Variants in DARS1 observed in about 807,000 individuals in gnomAD.
DARS1 encodes aspartate--tRNA ligase, cytoplasmic.
DARS1 carries 51 observed loss-of-function variants against 68.8 expected under a neutral mutation model. The ratio of observed to expected loss-of-function variants is 0.74; its 90% CI spans 0.59 to 0.94. DARS1 has a LOEUF of 0.94. Among genes scored for constraint, DARS1 ranks in the 40% least tolerant of loss-of-function variants. DARS1 has a pLI of 0.00. For synonymous variants in DARS1, 203 were observed against 190.4 expected, an observed-to-expected ratio of 1.07 and a Z score of -0.55; for missense variants, 607 against 597.3, an observed-to-expected ratio of 1.02 and a Z score of -0.17.
At chr2:135,914,375 C>T in intron 12 of DARS1, 94 bp downstream of exon 12, 1 of 741,148 alleles carries the variant, frequency 1.3e-6, no homozygotes, top group Non-Finnish European at 2.4e-6. Context: ...AGAATCATAC[C>T]ATTCTAGGAA....
chr2:135,965,824 C>T (rs1682219899), intron 3 of DARS1, among the ~76,000 whole-genome samples: 1 of 152,194 alleles, frequency 6.6e-6, no homozygotes, highest in Non-Finnish European at 1.5e-5. Context: ...ATACAAGAAC[C>T]TTGATGGTCC....
At chr2:135,971,375 C>G (rs1682365835) in intron 3 of DARS1, among the ~76,000 whole-genome samples, 1 of 152,028 alleles carries the variant, frequency 6.6e-6, no homozygotes, top group Non-Finnish European at 1.5e-5. Flanking sequence ...AAAAAAGCAG[C>G]TGATAAAGTT....
In DARS1 at chr2:135,941,242, G is replaced by A. The variant is rs531172176; in HGVS notation, c.423+2136C>T. On this transcript the variant is annotated intron_variant, in intron 5 of 15. Transcript: ENST00000264161. Reference sequence around the variant, plus strand: ...AAAAGAACAAAACTGGAGGCACCACGCTACCTGACTTCAAACTATACTACA... The same window carrying A: ...AAAAGAACAAAACTGGAGGCACCACACTACCTGACTTCAAACTATACTACA... Among the ~76,000 whole-genome samples, 7 of 152,256 alleles carry A rather than the reference G, an allele frequency of 4.6e-5. No individual in the cohort carries two copies. In the South Asian group the frequency reaches 1.2e-3, roughly 27 times the overall value.
chr2:135,951,902 G>A (rs1681846036), intron 4 of DARS1, among the ~76,000 whole-genome samples: 2 of 152,086 alleles, frequency 1.3e-5, no homozygotes, highest in African/African-American at 4.8e-5. Flanking sequence ...TAGTATTTAT[G>A]TATTTCTTAA....
At chr2:135,961,520 C>A (rs753909524) in intron 3 of DARS1, 22 bp from the exon 4 acceptor site, 2 of 1,101,928 alleles carry the variant, frequency 1.8e-6, no homozygotes, top group African/African-American at 3.0e-5. Context: ...AGAAAGAACA[C>A]AAATGTATTA....
In DARS1 at chr2:135,906,158, C is replaced by T. The variant is rs571831136; in HGVS notation, c.*1158G>A. ...GTAAACACCCCCTTTAACTTTCAAA[C>T]ATAATGGGCAGATGTTCGTGGTCCA... On this transcript the variant is annotated 3_prime_UTR_variant, in exon 16 of 16. Transcript: ENST00000264161. Among the ~76,000 whole-genome samples the T allele has an allele frequency of 1.3e-5, 2 of 152,270 alleles. No homozygotes were observed. Among genetic ancestry groups the T allele is most frequent in the East Asian group, 1.9e-4 (1 of 5,186 alleles).
At chr2:135,967,514 G>A (rs1348363212) in intron 3 of DARS1, among the ~76,000 whole-genome samples, 2 of 152,118 alleles carry the variant, frequency 1.3e-5, no homozygotes, top group East Asian at 3.8e-4. Context: ...TATCATTAAG[G>A]TAAGAAATTT....
chr2:135,938,008 G>A (rs1165269649), intron 5 of DARS1, among the ~76,000 whole-genome samples: 1 of 152,142 alleles, frequency 6.6e-6, no homozygotes, highest in Non-Finnish European at 1.5e-5. Context: ...GGCGTTCTCT[G>A]TATTTCCTGA....
rs547323676 is a variant in DARS1, at chr2:135,939,034, A to T, written c.423+4344T>A. 7.2e-4 allele frequency among the ~76,000 whole-genome samples: 109 copies of T among 152,286 alleles called. 3 individuals carry two copies. The highest frequency in any genetic ancestry group is 2.2e-3 in the African/African-American group (92 of 41,550). On this transcript the variant is annotated intron_variant, in intron 5 of 15. Transcript: ENST00000264161. ...AGCAAGTCCTTAGAGACCTACAGAG[A>T]CTTAGACTTCCTCACAATAATAATG...
chr2:135,932,853 AAAAAAAG>A lies in DARS1; in HGVS notation c.505-18_505-12del. 1 of 1,195,376 alleles carries A rather than the reference AAAAAAAG, an allele frequency of 8.4e-7. No homozygotes were observed. Among genetic ancestry groups the A allele is most frequent in the South Asian group, 1.4e-5 (1 of 73,632 alleles). 74.0% of individuals were successfully genotyped at this position (1,195,376 alleles called of 1,614,324 possible). On this transcript the variant is annotated splice_polypyrimidine_tract_variant and intron_variant, in intron 6 of 15. Transcript: ENST00000264161. ...AGTAGCTCTTCCTTCCTAAAAAAAA[AAAAAAAG>A]AAAAGAAAAAAATAAATTTTACTAA...
intron 4 of DARS1, among the ~76,000 whole-genome samples, chr2:135,951,111 A>G (rs1681830113): frequency 6.6e-6 from 1 of 152,176 alleles, no homozygotes; most frequent in Non-Finnish European, 1.5e-5. Flanking sequence ...ATTGGGTAAA[A>G]CAACCTGTTG....
Position 135,907,191 on chromosome 2 carries a change from A to G in DARS1, c.*125T>C, listed in dbSNP as rs897229428. On this transcript the variant is annotated 3_prime_UTR_variant, in exon 16 of 16. Transcript: ENST00000264161. Reference sequence around the variant, plus strand: ...ATTCTAGTGCATATTTTAAGTACCTAAAGTACAGCCTGTGCACTAGCAGGT... The same window carrying G: ...ATTCTAGTGCATATTTTAAGTACCTGAAGTACAGCCTGTGCACTAGCAGGT... 2.0e-5 allele frequency: 11 copies of G among 557,606 alleles called. No homozygotes were observed. The highest frequency in any genetic ancestry group is 3.2e-5 in the East Asian group (1 of 31,076). 34.5% of individuals were successfully genotyped at this position (557,606 alleles called of 1,614,324 possible).
intron 3 of DARS1, among the ~76,000 whole-genome samples, chr2:135,971,961 T>C (rs915821048): frequency 3.3e-5 from 5 of 152,124 alleles, no homozygotes; most frequent in South Asian, 2.1e-4. Context: ...TGGAAAGATA[T>C]TCCATGTTCA....
intron 15 of DARS1, among the ~76,000 whole-genome samples, chr2:135,909,541 T>A (rs1429608890): frequency 6.6e-6 from 1 of 152,172 alleles, no homozygotes; most frequent in East Asian, 1.9e-4. Context: ...ACAATGGATC[T>A]CCAGAACTTA....
chr2:135,966,168 ATT>A (rs60485095), intron 3 of DARS1, among the ~76,000 whole-genome samples: 1,959 of 141,646 alleles, frequency 0.014, 36 homozygotes, highest in African/African-American at 0.047. Context: ...CTGTAAATGT[ATT>A]TTTTTTTTTT....
intron 3 of DARS1, among the ~76,000 whole-genome samples, chr2:135,963,111 G>A (rs989955946): frequency 1.3e-5 from 2 of 152,186 alleles, no homozygotes; most frequent in African/African-American, 4.8e-5. Flanking sequence ...CACAGGATAA[G>A]TCTATGGGTC....
intron 10 of DARS1, among the ~76,000 whole-genome samples, chr2:135,919,839 G>T (rs1408705324): frequency 2.6e-5 from 4 of 152,128 alleles, no homozygotes; most frequent in African/African-American, 9.7e-5. Flanking sequence ...TCTTTACTGA[G>T]CACTTAATGT....
intron 7 of DARS1, among the ~76,000 whole-genome samples, chr2:135,926,321 AAAC>A (rs1681210963): frequency 6.6e-6 from 1 of 152,248 alleles, no homozygotes; most frequent in Admixed American, 6.5e-5. Flanking sequence ...CTGATTGTAC[AAAC>A]AACTATGTTA....
At chr2:135,910,221 T>C (rs1317443741) in intron 15 of DARS1, among the ~76,000 whole-genome samples, 7 of 152,210 alleles carry the variant, frequency 4.6e-5, no homozygotes, top group Non-Finnish European at 7.4e-5. Context: ...ATTCTCTTTG[T>C]AATGTTTAGA....
Sources: allele counts gnomAD v4.1 joint callset (sites outside exome capture counted in the v4.1 genomes callset), GRCh38; gene constraint gnomAD v4.1.1; transcripts MANE v1.5; gene names NCBI Gene and HGNC (gene_info 2026-07-23, HGNC 2026-07-21).